FAM171A1: variants seen among roughly 807,000 people sequenced by gnomAD.
FAM171A1 encodes the protein protein FAM171A1.
In FAM171A1, 23 loss-of-function variants were observed where a neutral mutation model predicts 74.9. That is an observed-to-expected ratio of 0.31 (90% CI 0.22 to 0.44). FAM171A1 has a LOEUF of 0.44. Ranked by LOEUF, FAM171A1 falls within the 20% of genes least tolerant of loss-of-function variation. FAM171A1 has a pLI of 1.00. For missense variants in FAM171A1, 1,162 were observed against 1,159.2 expected (o/e 1.00, Z -0.03); for synonymous variants, 527 against 505.7 (o/e 1.04, Z -0.57).
chr10:15,300,092 C>G (rs1453334869), intron 1 of FAM171A1, among the ~76,000 whole-genome samples: 1 of 152,144 alleles, frequency 6.6e-6, no homozygotes, highest in Non-Finnish European at 1.5e-5. Context: ...AGACAAAGGT[C>G]CCTGGAGCAG....
intron 1 of FAM171A1, among the ~76,000 whole-genome samples, chr10:15,357,276 C>T (rs1186808505): frequency 6.6e-6 from 1 of 152,030 alleles, no homozygotes; most frequent in East Asian, 1.9e-4. Context: ...GAGCGAGACT[C>T]CGTCTCAAAA....
intron 1 of FAM171A1, among the ~76,000 whole-genome samples, chr10:15,304,260 G>T (rs571216723): frequency 6.6e-6 from 1 of 152,268 alleles, no homozygotes; most frequent in African/African-American, 2.4e-5. Context: ...CTCTAATTTT[G>T]ATGCTTTGAC....
intron 6 of FAM171A1, among the ~76,000 whole-genome samples, chr10:15,217,836 T>C (rs938898514): frequency 1.3e-5 from 2 of 151,938 alleles, no homozygotes; most frequent in Non-Finnish European, 2.9e-5. Context: ...TTTCACCATC[T>C]TGGCCAGGCT....
At chr10:15,262,132 G>A (rs1489492063) in intron 3 of FAM171A1, among the ~76,000 whole-genome samples, 1 of 152,134 alleles carries the variant, frequency 6.6e-6, no homozygotes, top group African/African-American at 2.4e-5. Context: ...ATCAATCAAT[G>A]AGTTTGGATT....
intron 1 of FAM171A1, among the ~76,000 whole-genome samples, chr10:15,315,394 C>G (rs868819458): frequency 6.6e-6 from 1 of 152,214 alleles, no homozygotes. Context: ...ATGTGTAGAA[C>G]ATTCACATCT....
chr10:15,327,248 C>G lies in FAM171A1; in HGVS notation c.98-43143G>C, dbSNP rs538485576. On this transcript the variant is annotated intron_variant, in intron 1 of 7. Coordinates refer to ENST00000378116, the MANE Select transcript of FAM171A1 (RefSeq NM_001010924.2). ...AGCAAGCTGCCTACCCCCTAGGCCA[C>G]TCACCTCATAGATTATTAGGGGAAT... Among the ~76,000 whole-genome samples, 3 of 152,272 alleles carry G rather than the reference C, an allele frequency of 2.0e-5. No individual in the cohort carries two copies. In the South Asian group the frequency reaches 6.2e-4, roughly 32 times the overall value.
At chr10:15,353,956 G>A (rs546262458) in intron 1 of FAM171A1, among the ~76,000 whole-genome samples, 19 of 152,212 alleles carry the variant, frequency 1.2e-4, no homozygotes, top group South Asian at 2.1e-4. Context: ...GGGCATGCAC[G>A]CTCATCTGAA....
At chr10:15,365,767 T>TAAAA (rs3033606) in intron 1 of FAM171A1, among the ~76,000 whole-genome samples, 9 of 144,820 alleles carry the variant, frequency 6.2e-5, no homozygotes, top group South Asian at 2.2e-4. Context: ...GAGACTCTGT[T>TAAAA]AAAAAAAAAA....
rs1833924143 is a variant in FAM171A1, at chr10:15,213,623, C to T, written c.1965G>A (p.Glu655=). The change falls in exon 8 of 8, where the codon GAG becomes GAA. Residue 655 remains glutamate, a synonymous_variant. Transcript: ENST00000378116. This position sits in a 1 kb window ranked among gnomAD's most constrained non-coding sequence, Gnocchi z 6.8. ...ACATGGATGCGTTCTGAGGGCTCCA[C>T]TCCCGGGTGCCCGCATCCTGCAGGT... ...QQHLQDAGTR[E]WSPQNASMSE... 2 of 1,614,076 alleles carry T rather than the reference C, an allele frequency of 1.2e-6. No individual in the cohort carries two copies. Among genetic ancestry groups the T allele is most frequent in the African/African-American group, 1.3e-5 (1 of 74,938 alleles).
intron 1 of FAM171A1, among the ~76,000 whole-genome samples, chr10:15,358,745 G>A (rs747952630): frequency 2.6e-5 from 4 of 152,170 alleles, no homozygotes; most frequent in Non-Finnish European, 4.4e-5. Context: ...CATGGTTCAA[G>A]GGCAAACAGG....
At chr10:15,323,705 AAC>A (rs1276008463) in intron 1 of FAM171A1, among the ~76,000 whole-genome samples, 3 of 152,118 alleles carry the variant, frequency 2.0e-5, no homozygotes, top group African/African-American at 7.2e-5. Context: ...CCACAATCAG[AAC>A]AGTTTTGTGA....
At chr10:15,215,601 A>G (rs182658955) in intron 7 of FAM171A1, among the ~76,000 whole-genome samples, 206 of 152,248 alleles carry the variant, frequency 1.4e-3, no homozygotes, top group African/African-American at 4.6e-3. Context: ...TCTGACCTCA[A>G]GTGATCCGCC....
At chr10:15,292,865 T>G (rs1835118837) in intron 1 of FAM171A1, among the ~76,000 whole-genome samples, 1 of 151,988 alleles carries the variant, frequency 6.6e-6, no homozygotes. Flanking sequence ...CTAACTAAAG[T>G]AATAATCTCC....
rs140544950 is a variant in FAM171A1, at chr10:15,303,150, C to T, written c.98-19045G>A. 4.3e-3 allele frequency among the ~76,000 whole-genome samples: 659 copies of T among 152,202 alleles called. 6 individuals carry two copies. The highest frequency in any genetic ancestry group is 0.015 in the African/African-American group (633 of 41,516). The stretch of plus-strand genomic sequence containing the variant: ...GTTGCAGTGAGCCAAGATCGTGCCA[C>T]TGCACTCCAGCCTGGGCGACAAAAG... On this transcript the variant is annotated intron_variant, in intron 1 of 7. Coordinates refer to ENST00000378116, the MANE Select transcript of FAM171A1 (RefSeq NM_001010924.2).
Position 15,283,967 on chromosome 10 carries a change from T to G in FAM171A1, c.236A>C (p.Gln79Pro), listed in dbSNP as rs1359230492. 6.2e-7 allele frequency: 1 copy of G among 1,614,130 alleles called. No individual in the cohort carries two copies. Residue 79 changes from glutamine to proline, a missense_variant, in exon 2 of 8, where the codon CAG (glutamine) becomes CCG (proline). Coordinates refer to ENST00000378116, the MANE Select transcript of FAM171A1 (RefSeq NM_001010924.2). Reference sequence around the variant, plus strand: ...AATCAACTGACTGCCCAGCTTATACTGGAACTTGATAAAGGCGACGCCATC... The same window carrying G: ...AATCAACTGACTGCCCAGCTTATACGGGAACTTGATAAAGGCGACGCCATC... ...GTDGVAFIKFQYKLGSQLIVT... is the reference protein window; with the variant it reads ...GTDGVAFIKFPYKLGSQLIVT...
At chr10:15,310,580 G>T (rs1383511940) in intron 1 of FAM171A1, among the ~76,000 whole-genome samples, 2 of 152,124 alleles carry the variant, frequency 1.3e-5, no homozygotes, top group Non-Finnish European at 2.9e-5. Context: ...GACCCATTGG[G>T]GCTGGGCATG....
At chr10:15,224,348 C>A (rs781544520) in intron 5 of FAM171A1, among the ~76,000 whole-genome samples, 2 of 152,052 alleles carry the variant, frequency 1.3e-5, no homozygotes, top group African/African-American at 2.4e-5. Flanking sequence ...CAGCTGTGCC[C>A]GGGCTGGAAA....
intron 1 of FAM171A1, among the ~76,000 whole-genome samples, chr10:15,320,336 T>C (rs1317122755): frequency 6.6e-6 from 1 of 152,242 alleles, no homozygotes; most frequent in Non-Finnish European, 1.5e-5. Context: ...TTCCATGGCA[T>C]ATATGTACCA....
intron 1 of FAM171A1, among the ~76,000 whole-genome samples, chr10:15,313,737 G>A (rs868361917): frequency 1.3e-5 from 2 of 152,046 alleles, no homozygotes; most frequent in African/African-American, 2.4e-5. Context: ...AGCTTCCCAC[G>A]GTGAATAATG....
Sources: allele counts gnomAD v4.1 joint callset (sites outside exome capture counted in the v4.1 genomes callset), GRCh38; gene constraint gnomAD v4.1.1; non-coding constraint Gnocchi (gnomAD v3.1); transcripts MANE v1.5; gene names NCBI Gene and HGNC (gene_info 2026-07-23, HGNC 2026-07-21).